Variants in CACNA1B observed in about 807,000 individuals in gnomAD.
CACNA1B encodes the protein voltage-dependent N-type calcium channel subunit alpha-1B.
CACNA1B carries 70 observed loss-of-function variants against 247.2 expected under a neutral mutation model. The ratio of observed to expected loss-of-function variants is 0.28; its 90% CI spans 0.23 to 0.35. CACNA1B has a LOEUF of 0.35. CACNA1B is among the 10% of genes least tolerant of loss of function. The probability of loss-of-function intolerance (pLI) is 1.00; values close to 1 mark genes in which losing one functional copy is unlikely to be tolerated. For missense variants in CACNA1B, 2,367 were observed against 3,197.4 expected (o/e 0.74, Z 6.26); for synonymous variants, 1,231 against 1,294.4 (o/e 0.95, Z 1.05).
chr9:138,023,559 G>A lies in CACNA1B; in HGVS notation c.2816G>A (p.Arg939Gln), dbSNP rs1958878389. The change falls in exon 19 of 47, where the codon CGG (arginine) becomes CAG (glutamine). Residue 939 changes from arginine to glutamine, a missense_variant. Coordinates refer to ENST00000371372, the MANE Select transcript of CACNA1B (RefSeq NM_000718.4). ...GAGCCCCGACGCCACCGCGCGCACC[G>A]GCACCAGGATCCGAGCAAGGAGTGC... is the stretch of plus-strand genomic sequence containing the variant. ...EREPRRHRAH[R>Q]HQDPSKECAG... The A allele has an allele frequency of 2.8e-6, 3 of 1,089,898 alleles. No individual in the cohort carries two copies. Among genetic ancestry groups the A allele is most frequent in the African/African-American group, 1.7e-5 (1 of 58,260 alleles). 67.5% of individuals were successfully genotyped at this position (1,089,898 alleles called of 1,614,324 possible).
intron 20 of CACNA1B, among the ~76,000 whole-genome samples, chr9:138,028,022 CCTT>C (rs1958942627): frequency 7.1e-6 from 1 of 141,112 alleles, no homozygotes; most frequent in Non-Finnish European, 1.5e-5. Flanking sequence ...TCCCCCCCAA[CCTT>C]TTTTTTTTTT....
intron 6 of CACNA1B, among the ~76,000 whole-genome samples, chr9:137,949,078 G>GGT (rs1328323244): frequency 2.8e-5 from 2 of 70,304 alleles, no homozygotes; most frequent in African/African-American, 1.1e-4. Flanking sequence ...TAGTGTGTGT[G>GGT]GTGTGTGTGT....
chr9:137,952,414 T>TGCAG lies in CACNA1B; in HGVS notation c.1070+38_1070+39insCAGG. 6.5e-7 allele frequency: 1 copy of TGCAG among 1,538,712 alleles called. No individual in the cohort carries two copies. Among genetic ancestry groups the TGCAG allele is most frequent in the East Asian group, 2.2e-5 (1 of 44,484 alleles). Reference sequence around the variant, plus strand: ...TGTGGGGGATGTGCAGGTGCCCCTCTGTGTTCTCAGCTGAGGGGTCAACAG... The same window carrying TGCAG: ...TGTGGGGGATGTGCAGGTGCCCCTCTGCAGGTGTTCTCAGCTGAGGGGTCAACAG... On this transcript the variant is annotated intron_variant, in intron 7 of 46. Coordinates refer to ENST00000371372, the MANE Select transcript of CACNA1B (RefSeq NM_000718.4). This position sits in a 1 kb window ranked among gnomAD's most constrained non-coding sequence, Gnocchi z 4.8.
chr9:137,952,625 A>G lies in CACNA1B; in HGVS notation c.1070+248A>G, dbSNP rs534373938. Reference sequence around the variant, plus strand: ...TCCGTGGTCTCTGCCATGGGAGAGTAGCTGCCACTACTCATCTGGGTAGAC... The same window carrying G: ...TCCGTGGTCTCTGCCATGGGAGAGTGGCTGCCACTACTCATCTGGGTAGAC... On this transcript the variant is annotated intron_variant, in intron 7 of 46. Coordinates refer to ENST00000371372, the MANE Select transcript of CACNA1B (RefSeq NM_000718.4). The surrounding 1 kb of genome is among the most constrained non-coding windows in gnomAD (Gnocchi z 4.8). 1.3e-4 allele frequency among the ~76,000 whole-genome samples: 20 copies of G among 152,046 alleles called. No homozygotes were observed. The East Asian group carries it at 2.9e-3, about 22-fold the overall frequency.
At chr9:137,925,232 C>G (rs1957536064) in intron 6 of CACNA1B, among the ~76,000 whole-genome samples, 1 of 152,232 alleles carries the variant, frequency 6.6e-6, no homozygotes, top group Admixed American at 6.5e-5. Flanking sequence ...CATCCTCCCT[C>G]CCCAGGTTAT....
chr9:137,965,577 A>T (rs995912115), intron 10 of CACNA1B, among the ~76,000 whole-genome samples: 16 of 80,712 alleles, frequency 2.0e-4, no homozygotes, highest in Admixed American at 1.2e-3. Flanking sequence ...ACTTCATTTT[A>T]TTTATTTATT....
Position 137,954,458 on chromosome 9 carries a change from G to A in CACNA1B, c.1071-1240G>A, listed in dbSNP as rs1208465138. Among the ~76,000 whole-genome samples, 3 of 152,184 alleles carry A rather than the reference G, an allele frequency of 2.0e-5. No individual in the cohort carries two copies. Among genetic ancestry groups the A allele is most frequent in the African/African-American group, 4.8e-5 (2 of 41,444 alleles). On this transcript the variant is annotated intron_variant, in intron 7 of 46. Coordinates refer to ENST00000371372, the MANE Select transcript of CACNA1B (RefSeq NM_000718.4). The surrounding 1 kb of genome is among the most constrained non-coding windows in gnomAD (Gnocchi z 4.1). ...CTCAGGGAGGGCTGGCCCTGCTGCCGGCCACTGCGTGAGAAGCAGCTGCTC... is the reference window on the plus strand; with the variant it reads ...CTCAGGGAGGGCTGGCCCTGCTGCCAGCCACTGCGTGAGAAGCAGCTGCTC...
At position 138,121,004 on chromosome 9, in the gene CACNA1B, A is replaced by T. The variant is rs912922115; in HGVS notation, c.6489+123A>T. 9.5e-6 allele frequency: 11 copies of T among 1,162,288 alleles called. No homozygotes were observed. In the Admixed American group the frequency reaches 1.2e-4, roughly 12 times the overall value. 72.0% of individuals were successfully genotyped at this position (1,162,288 alleles called of 1,614,324 possible). ...TGCCCTTTGTCATTCCCAGCAACCC[A>T]AGGGCCGGGCGCTCCCCTCTGTGCC... On this transcript the variant is annotated intron_variant, in intron 46 of 46. Transcript: ENST00000371372. The surrounding 1 kb of genome is among the most constrained non-coding windows in gnomAD (Gnocchi z 6.8).
At chr9:138,049,351 C>A in intron 24 of CACNA1B, 36 bp downstream of exon 24, 2 of 1,302,650 alleles carry the variant, frequency 1.5e-6, no homozygotes, top group Non-Finnish European at 1.1e-6. Flanking sequence ...CTAGGGAGAG[C>A]CCCCAGAATC....
chr9:138,016,932 T>C (rs952703353), intron 18 of CACNA1B, among the ~76,000 whole-genome samples: 8 of 152,208 alleles, frequency 5.3e-5, no homozygotes, highest in African/African-American at 1.4e-4. Flanking sequence ...CAGTCTCACT[T>C]TTCTGCATGT....
chr9:137,985,093 G>A (rs903975335), intron 13 of CACNA1B, among the ~76,000 whole-genome samples: 1 of 152,342 alleles, frequency 6.6e-6, no homozygotes, highest in Middle Eastern at 3.4e-3. Context: ...CAGAACTGCC[G>A]ACACTGAGCC....
rs140068697 is a variant in CACNA1B, at chr9:138,052,249, C to CGTGTGT, written c.3807+70_3807+75dup. On this transcript the variant is annotated intron_variant, in intron 25 of 46. Transcript: ENST00000371372. The surrounding 1 kb of genome is among the most constrained non-coding windows in gnomAD (Gnocchi z 5.1). ...GTGTGTGTGTGCGTGTGTGTGTGTG[C>CGTGTGT]GTGTGTGTGTGTGTATGCATGCAGT... is the stretch of plus-strand genomic sequence containing the variant. The CGTGTGT allele has an allele frequency of 3.9e-3, 3,048 of 778,770 alleles. 37 individuals are homozygous for CGTGTGT. Among genetic ancestry groups the CGTGTGT allele is most frequent in the African/African-American group, 0.037 (2,062 of 56,270 alleles). The allele number at this position is 778,770 out of a possible 1,614,324, so 48.2% of individuals were successfully genotyped here.
In CACNA1B at chr9:137,919,809, G is replaced by A. The variant is rs1957457049; in HGVS notation, c.966+2378G>A. Among the ~76,000 whole-genome samples the A allele has an allele frequency of 6.6e-6, 1 of 152,224 alleles. No homozygotes were observed. On this transcript the variant is annotated intron_variant, in intron 6 of 46. Transcript: ENST00000371372. The surrounding 1 kb of genome is among the most constrained non-coding windows in gnomAD (Gnocchi z 4.6). ...ACCGGGTGAGTGATGGGGTCTCAGA[G>A]TGGATTGCTGAAAAGCTGGTGGCAG...
intron 44 of CACNA1B, 43 bp downstream of exon 44, chr9:138,118,811 G>T (rs574441801): frequency 1.2e-5 from 11 of 881,358 alleles, no homozygotes; most frequent in Middle Eastern, 2.9e-4. Context: ...TGGGCAAGTG[G>T]GGGGTGGGGA....
chr9:137,933,170 T>A (rs1957627074), intron 6 of CACNA1B, among the ~76,000 whole-genome samples: 1 of 152,154 alleles, frequency 6.6e-6, no homozygotes, highest in Non-Finnish European at 1.5e-5. Flanking sequence ...TCTGACCTCA[T>A]GATCTGCCTG....
At chr9:138,039,579 CT>C (rs553631339) in intron 20 of CACNA1B, among the ~76,000 whole-genome samples, 72 of 152,032 alleles carry the variant, frequency 4.7e-4, no homozygotes, top group African/African-American at 1.7e-3. Context: ...ATTCTTTAGT[CT>C]TTTTTTCAGT....
intron 42 of CACNA1B, among the ~76,000 whole-genome samples, 154 bp downstream of exon 42, chr9:138,115,833 A>G (rs1049971697): frequency 1.3e-5 from 2 of 152,142 alleles, no homozygotes; most frequent in African/African-American, 2.4e-5. Flanking sequence ...CGTGTCTGCC[A>G]TCCGACCCTG....
intron 36 of CACNA1B, among the ~76,000 whole-genome samples, chr9:138,079,944 C>T (rs974822565): frequency 4.6e-5 from 7 of 151,722 alleles, no homozygotes; most frequent in African/African-American, 1.7e-4. Flanking sequence ...CTTGGCACAT[C>T]GTTCCTCCGT....
chr9:137,991,234 A>C (rs1024144420), intron 15 of CACNA1B, among the ~76,000 whole-genome samples: 10 of 152,258 alleles, frequency 6.6e-5, no homozygotes, highest in Non-Finnish European at 1.2e-4. Context: ...AATCGCATAA[A>C]AAAATCACAG....
Sources: gnomAD v4.1 joint callset for allele counts (sites outside exome capture counted in the v4.1 genomes callset) on GRCh38, gnomAD v4.1.1 for gene constraint, Gnocchi (gnomAD v3.1) non-coding constraint, MANE v1.5 for transcripts, NCBI Gene and HGNC (gene_info 2026-07-23, HGNC 2026-07-21) for gene names.